The following TMEM164 variants were observed in gnomAD, a reference collection of about 807,000 sequenced individuals.
TMEM164 encodes the protein RP13-360B22.2.
Under a neutral mutation model 18.8 loss-of-function variants are expected in TMEM164, and 4 were observed. The ratio of observed to expected loss-of-function variants is 0.21; its 90% confidence interval spans 0.10 to 0.49. TMEM164 has a LOEUF of 0.49. Among genes scored for constraint, TMEM164 ranks in the 20% least tolerant of loss-of-function variants. TMEM164 has a pLI of 0.98. For missense variants in TMEM164, 108 were observed against 239.9 expected (o/e 0.45, Z 3.63); for synonymous variants, 86 against 101.7 (o/e 0.85, Z 0.93).
chrX:110,121,121 A>G (rs1049295782), intron 4 of TMEM164, among the ~76,000 whole-genome samples: 1 of 112,832 alleles, frequency 8.9e-6, no homozygotes, highest in African/African-American at 3.2e-5. Flanking sequence ...GAAAGTTAAA[A>G]GCACTACACA....
intron 4 of TMEM164, among the ~76,000 whole-genome samples, chrX:110,138,694 T>C (rs769999458): frequency 1.2e-4 from 14 of 112,395 alleles, no homozygotes; most frequent in African/African-American, 4.5e-4. Context: ...ATACTGTTGA[T>C]GGACCAAGTA....
At chrX:110,034,762 C>T (rs2147765420) in intron 2 of TMEM164, among the ~76,000 whole-genome samples, 1 of 104,710 alleles carries the variant, frequency 9.6e-6, no homozygotes, top group Non-Finnish European at 2.0e-5. Context: ...TATAAAGACA[C>T]ATGCACACGT....
intron 4 of TMEM164, among the ~76,000 whole-genome samples, chrX:110,115,212 A>G (rs1444519131): frequency 8.9e-6 from 1 of 112,364 alleles, no homozygotes; most frequent in African/African-American, 3.2e-5. Context: ...TAATTGGCAC[A>G]TCGAAATGTG....
At chrX:110,068,503 A>C (rs746267440) in intron 3 of TMEM164, among the ~76,000 whole-genome samples, 1 of 112,410 alleles carries the variant, frequency 8.9e-6, no homozygotes, top group South Asian at 3.7e-4. Flanking sequence ...CATTATGGAA[A>C]ACACAGGGAC....
intron 2 of TMEM164, among the ~76,000 whole-genome samples, chrX:110,015,405 C>T (rs1387312268): frequency 8.9e-6 from 1 of 112,363 alleles, no homozygotes; most frequent in African/African-American, 3.2e-5. Context: ...CCCAAATAAA[C>T]AGCAGCGCTT....
At chrX:110,051,732 G>A (rs1024646456) in intron 2 of TMEM164, among the ~76,000 whole-genome samples, 2 of 112,264 alleles carry the variant, frequency 1.8e-5, no homozygotes, top group Non-Finnish European at 3.8e-5. Context: ...AGGAACAGCA[G>A]CTTCATTCCC....
chrX:110,162,036 A>G (rs2067100392), intron 5 of TMEM164, among the ~76,000 whole-genome samples: 2 of 112,870 alleles, frequency 1.8e-5, no homozygotes. Context: ...GGGCCCAGCA[A>G]GCTGGATTTT....
At chrX:110,102,357 T>A (rs191678661) in intron 3 of TMEM164, among the ~76,000 whole-genome samples, 81 of 110,732 alleles carry the variant, frequency 7.3e-4, no homozygotes, top group African/African-American at 2.6e-3. Flanking sequence ...GTTAAAAAAA[T>A]TTTTTTCCTG....
intron 2 of TMEM164, among the ~76,000 whole-genome samples, chrX:110,030,245 C>T (rs1413884464): frequency 1.9e-5 from 2 of 103,381 alleles, no homozygotes; most frequent in African/African-American, 3.5e-5. Context: ...CTTAGCCTCC[C>T]GAGTAGCTGA....
intron 3 of TMEM164, among the ~76,000 whole-genome samples, chrX:110,092,996 A>T (rs1241817773): frequency 5.4e-5 from 6 of 111,973 alleles, no homozygotes; most frequent in African/African-American, 1.9e-4. Flanking sequence ...GATTCTGTTT[A>T]TATGACGGGT....
intron 3 of TMEM164, among the ~76,000 whole-genome samples, chrX:110,084,406 A>ATAGTGTATATATATATAG (rs1569320950): frequency 2.0e-4 from 17 of 85,503 alleles, no homozygotes; most frequent in African/African-American, 6.4e-4. Context: ...TAGTATATAT[A>ATAGTGTATATATATATAG]TATAGTGTAT....
intron 5 of TMEM164, among the ~76,000 whole-genome samples, chrX:110,152,912 C>T (rs1330624493): frequency 9.0e-6 from 1 of 111,411 alleles, no homozygotes; most frequent in Non-Finnish European, 1.9e-5. Flanking sequence ...TCAGTGGCCC[C>T]CCATCTTCCC....
intron 3 of TMEM164, among the ~76,000 whole-genome samples, chrX:110,085,701 CT>C (rs2065842776): frequency 9.0e-6 from 1 of 111,211 alleles, no homozygotes; most frequent in African/African-American, 3.3e-5. Context: ...TCGTCTACCC[CT>C]ACTACAATGT....
In TMEM164 at chrX:110,174,591, T is replaced by C. The variant is rs1195283966; in HGVS notation, c.*1140T>C. On this transcript the variant is annotated 3_prime_UTR_variant, in exon 7 of 7. Coordinates refer to ENST00000372068, the MANE Select transcript of TMEM164 (RefSeq NM_032227.4). ...CCACACTCAGTGCTGAATTGTTTAA[T>C]GTGGGGGACATCACGTCCTCCTCAT... 2.7e-5 allele frequency: 3 copies of C among 110,769 alleles called. No homozygotes were observed. Among genetic ancestry groups the C allele is most frequent in the African/African-American group, 9.9e-5 (3 of 30,278 alleles). 9.1% of individuals were successfully genotyped at this position (110,769 alleles called of 1,213,427 possible).
At chrX:110,139,398 C>T (rs1342815726) in intron 4 of TMEM164, among the ~76,000 whole-genome samples, 5 of 110,908 alleles carry the variant, frequency 4.5e-5, no homozygotes. Flanking sequence ...TGCCCCCTCA[C>T]CTCACTGAAA....
intron 2 of TMEM164, among the ~76,000 whole-genome samples, chrX:110,035,019 A>G (rs1934714630): frequency 1.1e-5 from 1 of 93,985 alleles, no homozygotes; most frequent in Non-Finnish European, 2.1e-5. Context: ...GAATTGAACA[A>G]TGAGAACACA....
chrX:110,125,808 C>T (rs766866479), intron 4 of TMEM164, among the ~76,000 whole-genome samples: 1 of 112,282 alleles, frequency 8.9e-6, no homozygotes, highest in Non-Finnish European at 1.9e-5. Flanking sequence ...TCAAAGGAGA[C>T]GTGATAAGGT....
intron 2 of TMEM164, among the ~76,000 whole-genome samples, chrX:110,010,753 A>G (rs182986568): frequency 1.8e-5 from 2 of 111,799 alleles, no homozygotes; most frequent in Non-Finnish European, 3.8e-5. Context: ...TACCTGTTAA[A>G]TAGTGTGATT....
chrX:110,026,317 G>A (rs768236700), intron 2 of TMEM164, among the ~76,000 whole-genome samples: 2 of 111,785 alleles, frequency 1.8e-5, no homozygotes, highest in South Asian at 3.7e-4. Flanking sequence ...CGACTGGGGC[G>A]GAAATCTCCA....
Sources: gnomAD v4.1 joint callset for allele counts (sites outside exome capture counted in the v4.1 genomes callset) on GRCh38, gnomAD v4.1.1 for gene constraint, MANE v1.5 for transcripts, NCBI Gene and HGNC (gene_info 2026-07-23, HGNC 2026-07-21) for gene names.